The following MAGI1 variants were observed in gnomAD, a reference collection of about 807,000 sequenced individuals.
MAGI1 encodes the protein membrane-associated guanylate kinase, WW and PDZ domain-containing protein 1.
In MAGI1, 58 loss-of-function variants were observed where a neutral mutation model predicts 139.9. The ratio of observed to expected loss-of-function variants is 0.41; its 90% CI spans 0.34 to 0.52. The LOEUF is 0.52. MAGI1 is among the 20% of genes least tolerant of loss of function. The pLI is 0.12. For missense variants in MAGI1, 1,874 were observed against 1,901.6 expected (o/e 0.99, Z 0.27); for synonymous variants, 812 against 737.9 (o/e 1.10, Z -1.63).
intron 1 of MAGI1, among the ~76,000 whole-genome samples, chr3:65,959,383 T>C (rs895410523): frequency 6.6e-6 from 1 of 152,130 alleles, no homozygotes; most frequent in Non-Finnish European, 1.5e-5. Flanking sequence ...ATCACTATTC[T>C]ACCCATCACT....
rs1441421077 is a variant in MAGI1, at chr3:65,913,955, A to T, written c.313+124041T>A. The T allele has an allele frequency of 2.0e-5, 3 of 152,154 alleles. No individual in the cohort carries two copies. The East Asian group carries it at 5.8e-4, about 29-fold the overall frequency. The allele number at this position is 152,154 out of a possible 1,614,324, so 9.4% of individuals were successfully genotyped here. A position where few individuals can be genotyped will look rare whatever the true frequency, so the allele number is the denominator to read the frequency against. ...AGAAAACACTCACATGGACCCAGAA[A>T]GCAATTGCTTTAAACCCAGAGAGAC... On this transcript the variant is annotated intron_variant, in intron 1 of 22. Coordinates refer to ENST00000402939, the MANE Select transcript of MAGI1 (RefSeq NM_001033057.2).
At chr3:66,006,941 C>G (rs992078849) in intron 1 of MAGI1, among the ~76,000 whole-genome samples, 4 of 152,054 alleles carry the variant, frequency 2.6e-5, no homozygotes, top group African/African-American at 9.7e-5. Context: ...AGTGATCTTC[C>G]CACCTCAGCC....
intron 1 of MAGI1, among the ~76,000 whole-genome samples, chr3:65,993,385 G>A (rs747289248): frequency 1.1e-3 from 171 of 152,254 alleles, no homozygotes; most frequent in Non-Finnish European, 9.1e-4. Flanking sequence ...GCTAGAGATG[G>A]GTGATTTGCA....
chr3:66,026,246 G>A (rs900993145), intron 1 of MAGI1, among the ~76,000 whole-genome samples: 5 of 152,052 alleles, frequency 3.3e-5, no homozygotes, highest in East Asian at 3.9e-4. Flanking sequence ...AGCAACAGGC[G>A]CAAGCAGATG....
At chr3:65,639,746 T>C (rs2084876499) in intron 1 of MAGI1, among the ~76,000 whole-genome samples, 1 of 152,072 alleles carries the variant, frequency 6.6e-6, no homozygotes, top group Admixed American at 6.6e-5. Flanking sequence ...CTCAGGCCTG[T>C]AATCCCAGCA....
rs144299728 is a variant in MAGI1 at position 65,517,639 on chromosome 3, T to G, written c.431-24008A>C. On this transcript the variant is annotated intron_variant, in intron 2 of 22. Coordinates refer to ENST00000402939, the MANE Select transcript of MAGI1 (RefSeq NM_001033057.2). ...AGGCCCTTCGCCCTGGCAGCATAAG[T>G]TGGTTCCAGTCTCCAACTCCCGAGT... is the stretch of plus-strand genomic sequence containing the variant. Among the ~76,000 whole-genome samples the G allele has an allele frequency of 5.5e-3, 834 of 152,302 alleles. 7 individuals are homozygous for G. Among genetic ancestry groups the G allele is most frequent in the African/African-American group, 0.019 (776 of 41,564 alleles).
intron 15 of MAGI1, among the ~76,000 whole-genome samples, chr3:65,383,123 A>G (rs1217677972): frequency 6.6e-6 from 1 of 152,160 alleles, no homozygotes; most frequent in African/African-American, 2.4e-5. Context: ...CTGTCTCATA[A>G]GGCTTTGCGA....
chr3:65,999,916 G>A (rs1334593615), intron 1 of MAGI1, among the ~76,000 whole-genome samples: 2 of 149,366 alleles, frequency 1.3e-5, no homozygotes, highest in East Asian at 4.0e-4. Flanking sequence ...AGTTAAACTA[G>A]GTAACCATAT....
intron 1 of MAGI1, among the ~76,000 whole-genome samples, chr3:65,647,826 C>T (rs2085347185): frequency 6.6e-6 from 1 of 152,008 alleles, no homozygotes; most frequent in Non-Finnish European, 1.5e-5. Context: ...TACCCAAAAC[C>T]CTACATCTGA....
At chr3:65,634,335 G>T (rs149321800) in intron 1 of MAGI1, among the ~76,000 whole-genome samples, 2,310 of 152,330 alleles carry the variant, frequency 0.015, 60 homozygotes, top group African/African-American at 0.052. Flanking sequence ...TACTTGCAAA[G>T]GTTTTTAAGC....
chr3:65,966,391 T>C (rs1045267469), intron 1 of MAGI1, among the ~76,000 whole-genome samples: 6 of 152,148 alleles, frequency 3.9e-5, no homozygotes, highest in Admixed American at 3.9e-4. Context: ...ATAATAATAA[T>C]AAATAATAGT....
At chr3:65,705,229 T>C (rs773007426) in intron 1 of MAGI1, among the ~76,000 whole-genome samples, 12 of 152,344 alleles carry the variant, frequency 7.9e-5, no homozygotes, top group Admixed American at 6.5e-4. Context: ...AGTACTTTAA[T>C]GTTTTCAGAG....
At chr3:65,417,946 G>A (rs1433977579) in intron 12 of MAGI1, among the ~76,000 whole-genome samples, 1 of 152,138 alleles carries the variant, frequency 6.6e-6, no homozygotes, top group East Asian at 1.9e-4. Flanking sequence ...CTTAGCAGAG[G>A]GCGATTTTGC....
chr3:65,948,080 T>C (rs2063628428), intron 1 of MAGI1, among the ~76,000 whole-genome samples: 1 of 151,892 alleles, frequency 6.6e-6, no homozygotes, highest in Non-Finnish European at 1.5e-5. Flanking sequence ...TAGCTGGGAT[T>C]ACAGGCACAT....
intron 1 of MAGI1, among the ~76,000 whole-genome samples, chr3:65,883,263 T>C (rs1275436253): frequency 6.6e-6 from 1 of 152,306 alleles, no homozygotes; most frequent in East Asian, 1.9e-4. Flanking sequence ...ACAACAGTTA[T>C]TGAAGTTGGA....
At chr3:65,894,041 C>T (rs1020808070) in intron 1 of MAGI1, 1 of 152,230 alleles carries the variant, frequency 6.6e-6, no homozygotes, top group Non-Finnish European at 1.5e-5. Flanking sequence ...AGAAGCTATA[C>T]CACCTTTTAT....
intron 2 of MAGI1, among the ~76,000 whole-genome samples, chr3:65,497,483 A>G (rs957642778): frequency 6.6e-6 from 1 of 152,180 alleles, no homozygotes; most frequent in Non-Finnish European, 1.5e-5. Context: ...AATCTCTTTG[A>G]AACTTGCTGT....
chr3:65,996,036 T>G (rs1225917637), intron 1 of MAGI1, among the ~76,000 whole-genome samples: 1 of 152,060 alleles, frequency 6.6e-6, no homozygotes, highest in African/African-American at 2.4e-5. Flanking sequence ...CTTTTTCAGC[T>G]TTCTAAAAAA....
At chr3:65,638,865 C>T (rs568007368) in intron 1 of MAGI1, among the ~76,000 whole-genome samples, 2 of 152,162 alleles carry the variant, frequency 1.3e-5, no homozygotes, top group Admixed American at 6.5e-5. Context: ...CCTCAGCCTC[C>T]CAAAGTGCTG....
Sources: gnomAD v4.1 joint callset for allele counts (sites outside exome capture counted in the v4.1 genomes callset) on GRCh38, gnomAD v4.1.1 for gene constraint, MANE v1.5 for transcripts, NCBI Gene and HGNC (gene_info 2026-07-23, HGNC 2026-07-21) for gene names.